The following ADAM28 variants were observed in gnomAD, a reference collection of about 807,000 sequenced individuals.
The protein encoded by ADAM28 is disintegrin and metalloproteinase domain-containing protein 28.
Under a neutral mutation model 101.2 loss-of-function variants are expected in ADAM28, and 105 were observed. That is an observed-to-expected ratio of 1.04 (90% confidence interval 0.89 to 1.22). The LOEUF (loss-of-function observed/expected upper bound fraction) is 1.22. ADAM28 is among the 50% of genes most tolerant of loss of function. ADAM28 has a pLI of 0.00. For missense variants in ADAM28, 1,028 were observed against 945.4 expected (o/e 1.09, Z -1.15); for synonymous variants, 322 against 310.6 (o/e 1.04, Z -0.39).
intron 8 of ADAM28, among the ~76,000 whole-genome samples, chr8:24,322,357 C>T (rs1246094554): frequency 6.6e-6 from 1 of 152,026 alleles, no homozygotes; most frequent in Non-Finnish European, 1.5e-5. Flanking sequence ...AGCTTGTGGA[C>T]GTTCTCTTCA....
chr8:24,315,148 G>GA (rs749768810), intron 6 of ADAM28, among the ~76,000 whole-genome samples: 2 of 151,824 alleles, frequency 1.3e-5, no homozygotes, highest in Non-Finnish European at 2.9e-5. Context: ...CTGAATGGCT[G>GA]AAAAAACAAG....
In ADAM28 at chr8:24,328,148, A is replaced by G. The variant is rs192742615; in HGVS notation, c.972+1513A>G. ...ATAAAAATCCTAATTTCTATCTAGT[A>G]TATATTTTTTCCTTTCAAGGGAATT... On this transcript the variant is annotated intron_variant, in intron 10 of 22. Transcript: ENST00000265769. Among the ~76,000 whole-genome samples the G allele has an allele frequency of 4.4e-3, 670 of 152,098 alleles. 2 individuals carry two copies. The highest frequency in any genetic ancestry group is 0.013 in the Admixed American group (193 of 15,248).
chr8:24,330,887 A>T (rs902982499), intron 11 of ADAM28, among the ~76,000 whole-genome samples: 3 of 152,164 alleles, frequency 2.0e-5, no homozygotes, highest in Non-Finnish European at 4.4e-5. Flanking sequence ...AGATGATCTA[A>T]GATTATCTGG....
intron 12 of ADAM28, 150 bp from the exon 13 acceptor site, chr8:24,332,510 G>T: frequency 2.6e-6 from 1 of 391,068 alleles, no homozygotes. Context: ...AAAATTTCAG[G>T]TTTTCTAATT....
At chr8:24,336,522 G>A (rs914267596) in intron 14 of ADAM28, among the ~76,000 whole-genome samples, 29 of 143,426 alleles carry the variant, frequency 2.0e-4, no homozygotes, top group African/African-American at 5.9e-4. Context: ...GGAGCTTGCC[G>A]TCAGCAGAGA....
chr8:24,305,567 T>C (rs1194241106), intron 2 of ADAM28, among the ~76,000 whole-genome samples: 1 of 150,730 alleles, frequency 6.6e-6, no homozygotes, highest in East Asian at 2.0e-4. Flanking sequence ...CATTAATACA[T>C]GTTGGTCTAA....
At position 24,311,424 on chromosome 8, in the gene ADAM28, T is replaced by C. The variant is rs1341643122; in HGVS notation, c.370T>C (p.Cys124Arg). The C allele has an allele frequency of 1.4e-5, 23 of 1,612,930 alleles. No homozygotes were observed. The highest frequency in any genetic ancestry group is 2.7e-5 in the African/African-American group (2 of 74,854). The change falls in exon 5 of 23, where the codon TGT (cysteine) becomes CGT (arginine). Residue 124 changes from cysteine to arginine, a missense_variant. By Grantham distance (180) the Cys-to-Arg change is radical (BLOSUM62 -3). Transcript: ENST00000265769. ...GGTTTCTGACGCTAGCATCAGCACA[T>C]GTAGGGGTCTAAGGTAAGACTTCAG... ...EKVSDASISTCRGLRGYFSQG... is the reference protein window; with the variant it reads ...EKVSDASISTRRGLRGYFSQG...
At chr8:24,315,290 G>C (rs1254752297) in intron 6 of ADAM28, among the ~76,000 whole-genome samples, 1 of 151,544 alleles carries the variant, frequency 6.6e-6, no homozygotes, top group African/African-American at 2.4e-5. Flanking sequence ...AGACTAAGAG[G>C]AAAACTCAAA....
chr8:24,324,223 G>T (rs1812256074), intron 9 of ADAM28, among the ~76,000 whole-genome samples: 1 of 151,494 alleles, frequency 6.6e-6, no homozygotes, highest in African/African-American at 2.4e-5. Flanking sequence ...GTTTTTATTG[G>T]GTATACAAGA....
At chr8:24,337,278 A>G (rs1264542162) in intron 14 of ADAM28, among the ~76,000 whole-genome samples, 1 of 152,260 alleles carries the variant, frequency 6.6e-6, no homozygotes, top group Non-Finnish European at 1.5e-5. Context: ...TTGTTGGTTA[A>G]GAAGCTCATG....
intron 18 of ADAM28, among the ~76,000 whole-genome samples, chr8:24,349,464 TG>T (rs1815806611): frequency 6.6e-6 from 1 of 152,174 alleles, no homozygotes; most frequent in Non-Finnish European, 1.5e-5. Context: ...ATGACAGGAA[TG>T]TATTTTCAAA....
At position 24,332,651 on chromosome 8, in the gene ADAM28, A is replaced by C; in HGVS notation, c.1282-9A>C. ...TGTTGCATTTACATTTGTTTCTCAT[A>C]TTTCTTAGGAATGTACCAATATTTG... On this transcript the variant is annotated splice_polypyrimidine_tract_variant and intron_variant, in intron 12 of 22. Transcript: ENST00000265769. The C allele has an allele frequency of 6.9e-7, 1 of 1,445,344 alleles. No homozygotes were observed. Among genetic ancestry groups the C allele is most frequent in the South Asian group, 1.6e-5 (1 of 61,738 alleles). 89.5% of individuals were successfully genotyped at this position (1,445,344 alleles called of 1,614,324 possible).
Position 24,313,554 on chromosome 8 carries a change from A to G in ADAM28, c.550A>G (p.Ile184Val), listed in dbSNP as rs1810757296. Residue 184 changes from isoleucine to valine, a missense_variant, in exon 6 of 23, where the codon ATT becomes GTT. By Grantham distance (29) the Ile-to-Val change is conservative (BLOSUM62 3). Coordinates refer to ENST00000265769, the MANE Select transcript of ADAM28 (RefSeq NM_014265.6). ...GTGGGCCCACGATTTGCAGCAGAAC[A>G]TTGCCCTACCTGCCACCAAACTAGT... ...VLWAHDLQQN[I>V]ALPATKLVKL... 1 of 1,613,676 alleles carries G rather than the reference A, an allele frequency of 6.2e-7. No homozygotes were observed. Among genetic ancestry groups the G allele is most frequent in the Non-Finnish European group, 8.5e-7 (1 of 1,179,770 alleles).
chr8:24,343,089 C>T lies in ADAM28; in HGVS notation c.1831-12C>T. 1.2e-6 allele frequency: 2 copies of T among 1,613,596 alleles called. No individual in the cohort carries two copies. Among genetic ancestry groups the T allele is most frequent in the Non-Finnish European group, 8.5e-7 (1 of 1,179,682 alleles). ...AGAAGATGAAGCTTCATGTTTTCTA[C>T]ATCACTTTCAGGTTTGCATTAATGC... On this transcript the variant is annotated splice_polypyrimidine_tract_variant and intron_variant, in intron 16 of 22. Transcript: ENST00000265769.
intron 1 of ADAM28, among the ~76,000 whole-genome samples, chr8:24,295,098 A>T (rs1052272343): frequency 2.0e-5 from 3 of 152,070 alleles, no homozygotes; most frequent in Non-Finnish European, 4.4e-5. Context: ...TTGTCCATGC[A>T]CCCTCTTAGT....
chr8:24,305,466 TTTTTTTTTTTTA>T lies in ADAM28; in HGVS notation c.151-4427_151-4416del, dbSNP rs1482303724. 6.8e-5 allele frequency among the ~76,000 whole-genome samples: 10 copies of T among 146,392 alleles called. No individual in the cohort carries two copies. The South Asian group carries it at 1.5e-3, about 22-fold the overall frequency. On this transcript the variant is annotated intron_variant, in intron 2 of 22. Transcript: ENST00000265769. The stretch of plus-strand genomic sequence containing the variant: ...TAAGAGGTTTCTTTTTTTTTTTTTT[TTTTTTTTTTTTA>T]AAATATGTCTTTGCTATGTCTCTAC...
intron 9 of ADAM28, among the ~76,000 whole-genome samples, chr8:24,326,292 A>T (rs902438808): frequency 6.6e-6 from 1 of 152,024 alleles, no homozygotes; most frequent in African/African-American, 2.4e-5. Context: ...TTCACAAGGG[A>T]TACATCTCAC....
At chr8:24,337,223 C>T (rs1814210355) in intron 14 of ADAM28, among the ~76,000 whole-genome samples, 1 of 152,226 alleles carries the variant, frequency 6.6e-6, no homozygotes, top group South Asian at 2.1e-4. Flanking sequence ...GCAATCTTGC[C>T]TCCACTTCGT....
chr8:24,310,237 T>C lies in ADAM28; in HGVS notation c.302T>C (p.Ile101Thr). ...TGKEITTSPQ[I>T]MDDCYYQGHI... ...AAGGAGATCACCACAAGCCCACAAA[T>C]TATGGTATAACGGAGTCTCTTCAAT... Residue 101 changes from isoleucine (I) to threonine (T), a missense_variant, in exon 4 of 23, where the codon ATT (isoleucine) becomes ACT (threonine). Transcript: ENST00000265769. 1.2e-6 allele frequency: 2 copies of C among 1,612,612 alleles called. No individual in the cohort carries two copies. Among genetic ancestry groups the C allele is most frequent in the Non-Finnish European group, 1.7e-6 (2 of 1,178,906 alleles).
Sources: gnomAD v4.1 joint callset for allele counts (sites outside exome capture counted in the v4.1 genomes callset) on GRCh38, gnomAD v4.1.1 for gene constraint, MANE v1.5 for transcripts, NCBI Gene and HGNC (gene_info 2026-07-23, HGNC 2026-07-21) for gene names.